The following SCHIP1 variants were observed in gnomAD, a reference collection of about 807,000 sequenced individuals.
SCHIP1 encodes the protein schwannomin-interacting protein 1.
Under a neutral mutation model 29.7 loss-of-function variants are expected in SCHIP1, and 8 were observed. The ratio of observed to expected loss-of-function variants is 0.27; its 90% CI spans 0.16 to 0.49. SCHIP1 has a LOEUF of 0.49. Among genes scored for constraint, SCHIP1 ranks in the 20% least tolerant of loss-of-function variants. The pLI, the probability that SCHIP1 is intolerant of heterozygous loss-of-function variation, is 0.99. For missense variants in SCHIP1, 193 were observed against 294.6 expected, an observed-to-expected ratio of 0.66 and a Z score of 2.52; for synonymous variants, 76 against 94.9, an observed-to-expected ratio of 0.80 and a Z score of 1.16.
chr3:159,814,630 G>C, the SCHIP1 span, among the ~76,000 whole-genome samples: 2 of 152,180 alleles, frequency 1.3e-5, no homozygotes, highest in Non-Finnish European at 2.9e-5. Flanking sequence ...ACATTTTGCC[G>C]AGTAGGGATA....
At chr3:159,530,349 G>A in the SCHIP1 span, among the ~76,000 whole-genome samples, 4 of 152,198 alleles carry the variant, frequency 2.6e-5, no homozygotes, top group Admixed American at 6.5e-5. Flanking sequence ...ATATCCTCAA[G>A]TTCAGTCCTG....
chr3:159,316,788 C>T, the SCHIP1 span, among the ~76,000 whole-genome samples: 113 of 152,248 alleles, frequency 7.4e-4, 1 homozygote, highest in South Asian at 0.018. Context: ...ATAAATCTTA[C>T]GTCACATGAT....
the SCHIP1 span, among the ~76,000 whole-genome samples, chr3:159,606,045 G>A: frequency 7.4e-4 from 112 of 152,188 alleles, 1 homozygote; most frequent in Admixed American, 1.5e-3. Flanking sequence ...CTAGGGCAGA[G>A]TGTTCTTACA....
At chr3:159,631,922 CTCA>C in the SCHIP1 span, among the ~76,000 whole-genome samples, 8 of 152,028 alleles carry the variant, frequency 5.3e-5, no homozygotes, top group African/African-American at 1.9e-4. Context: ...CACCCCCCAC[CTCA>C]TCTCTTACTT....
chr3:159,416,804 G>T, the SCHIP1 span, among the ~76,000 whole-genome samples: 51 of 152,264 alleles, frequency 3.3e-4, no homozygotes, highest in African/African-American at 1.2e-3. Flanking sequence ...TAGGGCTTCT[G>T]GGCAGGGCAT....
chr3:159,756,622 A>G, the SCHIP1 span, among the ~76,000 whole-genome samples: 1 of 152,208 alleles, frequency 6.6e-6, no homozygotes, highest in Non-Finnish European at 1.5e-5. Context: ...TTCTGCAGCC[A>G]GCTTGAATTT....
the SCHIP1 span, among the ~76,000 whole-genome samples, chr3:159,621,382 G>A: frequency 6.6e-6 from 1 of 152,158 alleles, no homozygotes; most frequent in Non-Finnish European, 1.5e-5. Context: ...GAAACTCAGG[G>A]CTTCTGAAGG....
At chr3:159,876,944 G>A (rs1715887059) in intron 2 of SCHIP1, among the ~76,000 whole-genome samples, 1 of 152,206 alleles carries the variant, frequency 6.6e-6, no homozygotes, top group African/African-American at 2.4e-5. Context: ...AGGCATGAGT[G>A]GACAACCAGT....
the SCHIP1 span, among the ~76,000 whole-genome samples, chr3:159,612,174 A>G: frequency 6.6e-6 from 1 of 152,160 alleles, no homozygotes; most frequent in African/African-American, 2.4e-5. Context: ...AATAATGGCC[A>G]TAAGAGAAAA....
At chr3:159,306,591 G>GA in the SCHIP1 span, 21 of 922,162 alleles carry the variant, frequency 2.3e-5, no homozygotes, top group Middle Eastern at 5.6e-4. Context: ...TTTCCTTTAT[G>GA]AAAAAAATAT....
the SCHIP1 span, among the ~76,000 whole-genome samples, chr3:159,477,556 A>G: frequency 6.6e-6 from 1 of 152,124 alleles, no homozygotes; most frequent in African/African-American, 2.4e-5. Context: ...CATTTTGTCC[A>G]TGTACTTGTT....
chr3:159,659,796 G>A, the SCHIP1 span, among the ~76,000 whole-genome samples: 1 of 152,124 alleles, frequency 6.6e-6, no homozygotes, highest in East Asian at 1.9e-4. Flanking sequence ...ATGTGTCCTG[G>A]AATTGGCAGA....
At chr3:159,511,137 C>T in the SCHIP1 span, among the ~76,000 whole-genome samples, 1 of 152,236 alleles carries the variant, frequency 6.6e-6, no homozygotes, top group Non-Finnish European at 1.5e-5. Context: ...TTCCCTGCTG[C>T]TTTGTTTACC....
At chr3:159,464,978 T>C in the SCHIP1 span, among the ~76,000 whole-genome samples, 4 of 152,124 alleles carry the variant, frequency 2.6e-5, no homozygotes, top group African/African-American at 7.2e-5. Context: ...TCAGAAAGAA[T>C]GTAGCCTAAA....
At chr3:159,561,915 C>T in the SCHIP1 span, among the ~76,000 whole-genome samples, 1 of 152,054 alleles carries the variant, frequency 6.6e-6, no homozygotes. Flanking sequence ...TTTACCTTTC[C>T]CAGTAATTGT....
chr3:159,498,429 T>C, the SCHIP1 span, among the ~76,000 whole-genome samples: 1 of 152,204 alleles, frequency 6.6e-6, no homozygotes, highest in Non-Finnish European at 1.5e-5. Flanking sequence ...TAACTAAAAA[T>C]AGTCTAATCA....
the SCHIP1 span, among the ~76,000 whole-genome samples, chr3:159,681,395 G>T: frequency 2.6e-5 from 4 of 151,848 alleles, no homozygotes; most frequent in Non-Finnish European, 5.9e-5. Context: ...ACAAGTAATA[G>T]AATTCTTTAA....
At chr3:159,710,574 G>A in the SCHIP1 span, among the ~76,000 whole-genome samples, 11 of 152,130 alleles carry the variant, frequency 7.2e-5, no homozygotes, top group African/African-American at 2.2e-4. Context: ...AAGTATGTGA[G>A]GGGACAGACA....
the SCHIP1 span, among the ~76,000 whole-genome samples, chr3:159,516,009 T>A: frequency 2.6e-5 from 4 of 152,038 alleles, no homozygotes; most frequent in African/African-American, 9.7e-5. Flanking sequence ...AATTTTTGGA[T>A]AGGGGAGTGA....
Sources: allele counts gnomAD v4.1 joint callset (sites outside exome capture counted in the v4.1 genomes callset), GRCh38; gene constraint gnomAD v4.1.1; transcripts MANE v1.5; gene names NCBI Gene and HGNC (gene_info 2026-07-23, HGNC 2026-07-21).